RABGAP1L: variants seen among roughly 807,000 people sequenced by gnomAD.
The protein encoded by RABGAP1L is RAB GTPase activating protein 1 like, also known as rab GTPase-activating protein 1-like.
RABGAP1L carries 63 observed loss-of-function variants against 137.7 expected under a neutral mutation model. The ratio of observed to expected loss-of-function variants is 0.46; its 90% CI spans 0.37 to 0.56. RABGAP1L has a LOEUF of 0.56. Ranked by LOEUF, RABGAP1L falls within the 20% of genes least tolerant of loss-of-function variation. The probability of loss-of-function intolerance (pLI) is 0.00; values close to 1 mark genes in which losing one functional copy is unlikely to be tolerated. For synonymous variants in RABGAP1L, 431 were observed against 433.7 expected (o/e 0.99, Z 0.08); for missense variants, 1,095 against 1,244.0 (o/e 0.88, Z 1.80).
intron 13 of RABGAP1L, among the ~76,000 whole-genome samples, chr1:174,581,706 T>C (rs976055560): frequency 6.6e-5 from 10 of 152,248 alleles, no homozygotes; most frequent in Non-Finnish European, 1.5e-4. Context: ...GTGAATTTTA[T>C]CTTAATAAAT....
At chr1:174,756,895 C>G in intron 18 of RABGAP1L, 1 of 672,060 alleles carries the variant, frequency 1.5e-6, no homozygotes, top group South Asian at 1.4e-5. Flanking sequence ...TGAAGCAGTC[C>G]TGGGACTGCT....
chr1:174,873,512 T>A (rs1338971001), intron 19 of RABGAP1L, among the ~76,000 whole-genome samples: 13 of 31,376 alleles, frequency 4.1e-4, no homozygotes, highest in Admixed American at 3.1e-3. Context: ...TTGAGATAAT[T>A]TTTTTTTTTT....
At chr1:174,606,814 T>A (rs1038566590) in intron 13 of RABGAP1L, among the ~76,000 whole-genome samples, 2 of 152,352 alleles carry the variant, frequency 1.3e-5, no homozygotes, top group Admixed American at 1.3e-4. Flanking sequence ...ATTCTATTCA[T>A]AGCAGTATCT....
chr1:174,205,521 A>C (rs188911370), intron 1 of RABGAP1L, among the ~76,000 whole-genome samples: 1 of 152,022 alleles, frequency 6.6e-6, no homozygotes, highest in Admixed American at 6.5e-5. Flanking sequence ...TTGGGAGGAC[A>C]TATGTGTCCA....
intron 13 of RABGAP1L, among the ~76,000 whole-genome samples, chr1:174,572,092 G>A (rs1668022359): frequency 6.6e-6 from 1 of 152,166 alleles, no homozygotes; most frequent in Non-Finnish European, 1.5e-5. Context: ...AAATCAAACT[G>A]AAATGCAGGG....
At chr1:174,821,334 T>C (rs559051075) in intron 19 of RABGAP1L, among the ~76,000 whole-genome samples, 221 of 152,240 alleles carry the variant, frequency 1.5e-3, no homozygotes, top group African/African-American at 5.1e-3. Flanking sequence ...TCCTACCCCG[T>C]GCTAAAGAGG....
chr1:174,241,548 C>T lies in RABGAP1L; in HGVS notation c.608C>T (p.Ala203Val). ...SFPIYKVLFC[A>V]RGHDGTTESN... ...CCAATCTATAAGGTGTTATTCTGTG[C>T]ACGTGGACATGACGGAACAACAGAG... Residue 203 changes from alanine to valine, a missense_variant, in exon 5 of 26, where the codon GCA becomes GTA. Physicochemically the swap from Ala to Val is moderately conservative, Grantham distance 64 (BLOSUM62 0). This residue lies in a region of RABGAP1L where 356 missense variants were observed against 326.3 expected (regional missense o/e 1.09). Coordinates refer to ENST00000681986, the MANE Select transcript of RABGAP1L (RefSeq NM_001366446.1). 1 of 1,612,876 alleles carries T rather than the reference C, an allele frequency of 6.2e-7. No individual in the cohort carries two copies. Among genetic ancestry groups the T allele is most frequent in the East Asian group, 2.2e-5 (1 of 44,860 alleles).
intron 13 of RABGAP1L, among the ~76,000 whole-genome samples, chr1:174,585,403 T>C (rs929709612): frequency 1.3e-5 from 2 of 152,140 alleles, no homozygotes; most frequent in Non-Finnish European, 2.9e-5. Flanking sequence ...ATATAGTGCT[T>C]TACTGGACAG....
At chr1:174,340,305 TTTTC>T (rs1681862566) in intron 11 of RABGAP1L, among the ~76,000 whole-genome samples, 1 of 152,206 alleles carries the variant, frequency 6.6e-6, no homozygotes. Flanking sequence ...TAGTTCTTCC[TTTTC>T]TTTTTTTCTT....
At chr1:174,361,830 A>T (rs1323887042) in intron 11 of RABGAP1L, among the ~76,000 whole-genome samples, 1 of 152,180 alleles carries the variant, frequency 6.6e-6, no homozygotes, top group Non-Finnish European at 1.5e-5. Context: ...AGATTGTTAC[A>T]TAGGTAAATG....
At chr1:174,586,932 T>A (rs969844287) in intron 13 of RABGAP1L, among the ~76,000 whole-genome samples, 1 of 152,114 alleles carries the variant, frequency 6.6e-6, no homozygotes, top group South Asian at 2.1e-4. Context: ...ATGAGTGTGA[T>A]GTTCCCCTTC....
At chr1:174,355,915 G>A (rs117294233) in intron 11 of RABGAP1L, among the ~76,000 whole-genome samples, 2,489 of 152,220 alleles carry the variant, frequency 0.016, 183 homozygotes, top group Admixed American at 0.13. Context: ...AGTGGGAAAT[G>A]TTATAATATT....
intron 12 of RABGAP1L, among the ~76,000 whole-genome samples, chr1:174,389,721 T>C (rs1687068244): frequency 6.6e-6 from 1 of 152,180 alleles, no homozygotes; most frequent in Non-Finnish European, 1.5e-5. Context: ...CAAAAATGTA[T>C]TAAATGCCTT....
At chr1:174,877,346 C>A in intron 19 of RABGAP1L, 11 of 1,020,644 alleles carry the variant, frequency 1.1e-5, no homozygotes, top group Non-Finnish European at 9.6e-6. Flanking sequence ...TTTTCTTTCT[C>A]TTTCTTTCTT....
At chr1:174,294,452 A>G (rs1470910853) in intron 10 of RABGAP1L, among the ~76,000 whole-genome samples, 2 of 152,166 alleles carry the variant, frequency 1.3e-5, no homozygotes, top group Non-Finnish European at 2.9e-5. Flanking sequence ...TCAGATATTG[A>G]TGGAGCATCA....
chr1:174,274,958 T>G (rs1299118520), intron 8 of RABGAP1L: 1 of 152,204 alleles, frequency 6.6e-6, no homozygotes, highest in African/African-American at 2.4e-5. Context: ...CTACAAAAAC[T>G]GAAATATTGT....
At chr1:174,349,510 C>T (rs1160475387) in intron 11 of RABGAP1L, among the ~76,000 whole-genome samples, 4 of 131,332 alleles carry the variant, frequency 3.0e-5, no homozygotes, top group Non-Finnish European at 6.7e-5. Context: ...AGAGGGGCTC[C>T]TCACTTCCCA....
chr1:174,886,595 GT>G (rs993591660), intron 19 of RABGAP1L, among the ~76,000 whole-genome samples: 2 of 152,108 alleles, frequency 1.3e-5, no homozygotes, highest in Admixed American at 1.3e-4. Context: ...TTAAACATTT[GT>G]TTTTACTTAA....
Position 174,795,110 on chromosome 1 carries a change from A to G in RABGAP1L, c.2212-16722A>G, listed in dbSNP as rs1056053032. Among the ~76,000 whole-genome samples the G allele has an allele frequency of 3.3e-5, 5 of 152,096 alleles. No homozygotes were observed. In the South Asian group the frequency reaches 1.0e-3, roughly 32 times the overall value. ...AGAGAATGACACTTCTAGTCATTAG[A>G]CCATGGCTTTGGGACCATTGCCTGG... On this transcript the variant is annotated intron_variant, in intron 18 of 25. Transcript: ENST00000681986.
Sources: gnomAD v4.1 joint callset for allele counts (sites outside exome capture counted in the v4.1 genomes callset) on GRCh38, gnomAD v4.1.1 for gene constraint, gnomAD v4.1.1 regional missense constraint, MANE v1.5 for transcripts, NCBI Gene and HGNC (gene_info 2026-07-23, HGNC 2026-07-21) for gene names.